SGCG: variants seen among roughly 807,000 people sequenced by gnomAD.
The protein encoded by SGCG is sarcoglycan gamma.
A neutral mutation model predicts 29.3 loss-of-function variants in SGCG; 26 were observed. The observed-to-expected ratio is 0.89, with a 90% CI of 0.65 to 1.23. The LOEUF is 1.23. SGCG is among the 50% of genes most tolerant of loss of function. The pLI is 0.00. For synonymous variants in SGCG, 145 were observed against 129.7 expected (o/e 1.12, Z -0.80); for missense variants, 353 against 356.0 (o/e 0.99, Z 0.07).
rs1325174011 is a variant in SGCG, at chr13:23,324,820, T to G, written c.*279T>G. On this transcript the variant is annotated 3_prime_UTR_variant, in exon 8 of 8. Coordinates refer to ENST00000218867, the MANE Select transcript of SGCG (RefSeq NM_000231.3). The stretch of plus-strand genomic sequence containing the variant: ...GGAACAATTGCGAATTCTCTCTGCC[T>G]CGCCTCCCCCTATCTTGTCCGTGTG... The G allele has an allele frequency of 9.2e-6, 4 of 433,206 alleles. No individual in the cohort carries two copies. The highest frequency in any genetic ancestry group is 6.1e-5 in the African/African-American group (3 of 49,574). 26.8% of individuals were successfully genotyped at this position (433,206 alleles called of 1,614,324 possible). A position where few individuals can be genotyped will look rare whatever the true frequency, so the allele number is the denominator to read the frequency against.
At chr13:23,279,721 C>CCTTCCTTCCTTCCTTCCTTCCTT (rs1881231457) in intron 5 of SGCG, among the ~76,000 whole-genome samples, 4 of 100,478 alleles carry the variant, frequency 4.0e-5, no homozygotes, top group Non-Finnish European at 1.0e-4. Flanking sequence ...CTTCCTTCCT[C>CCTTCCTTCCTTCCTTCCTTCCTT]CCTTCCTTCT....
Position 23,270,946 on chromosome 13 carries a change from G to C in SGCG, c.386-8413G>C, listed in dbSNP as rs570333739. On this transcript the variant is annotated intron_variant, in intron 4 of 7. Coordinates refer to ENST00000218867, the MANE Select transcript of SGCG (RefSeq NM_000231.3). The stretch of plus-strand genomic sequence containing the variant: ...ACTTAAAAGTCCATCCTTAGGCCAG[G>C]TGCAGCGGCTCACACCTGTAATCCC... Among the ~76,000 whole-genome samples the C allele has an allele frequency of 2.6e-5, 4 of 152,218 alleles. No individual in the cohort carries two copies. In the East Asian group the frequency reaches 7.7e-4, roughly 29 times the overall value.
chr13:23,163,121 G>C, the SGCG span, among the ~76,000 whole-genome samples: 4 of 152,274 alleles, frequency 2.6e-5, 1 homozygote, highest in East Asian at 5.8e-4. Context: ...AAAAAAATTG[G>C]TTGTGTGTTG....
intron 3 of SGCG, among the ~76,000 whole-genome samples, chr13:23,243,296 C>T (rs1879578975): frequency 6.6e-6 from 1 of 152,178 alleles, no homozygotes; most frequent in African/African-American, 2.4e-5. Context: ...CCGCCTGCCC[C>T]TCATAATCAC....
chr13:23,166,217 A>T, the SGCG span, among the ~76,000 whole-genome samples: 6 of 151,244 alleles, frequency 4.0e-5, no homozygotes, highest in South Asian at 1.3e-3. Context: ...TTTCTAGTTT[A>T]CCGAGAGTTT....
chr13:23,181,137 G>A (rs975467172), intron 1 of SGCG, 62 bp downstream of exon 1: 4 of 152,078 alleles, frequency 2.6e-5, no homozygotes, highest in Non-Finnish European at 4.4e-5. Context: ...AAAACCAAAC[G>A]CTTAAGAGGT....
chr13:23,251,092 C>G (rs1427004743), intron 4 of SGCG, among the ~76,000 whole-genome samples: 2 of 152,164 alleles, frequency 1.3e-5, no homozygotes, highest in Non-Finnish European at 2.9e-5. Flanking sequence ...CAGTTCCCTC[C>G]CCGTTCTTTC....
chr13:23,314,406 A>ATATATATATATATATATG lies in SGCG; in HGVS notation c.579-6229_579-6228insTATATATATATATATGTA, dbSNP rs1566044512. Among the ~76,000 whole-genome samples, 4 of 141,634 alleles carry ATATATATATATATATATG rather than the reference A, an allele frequency of 2.8e-5. No individual in the cohort carries two copies. The East Asian group carries it at 8.4e-4, about 30-fold the overall frequency. 92.9% of individuals were successfully genotyped at this position (141,634 alleles called of 152,430 possible). A position where few individuals can be genotyped will look rare whatever the true frequency, so the allele number is the denominator to read the frequency against. Reference sequence around the variant, plus strand: ...GTTATATATATATATATATATATATATAATCTTATTCTGTCCCTAATAAGA... The same window carrying ATATATATATATATATATG: ...GTTATATATATATATATATATATATATATATATATATATATATGTAATCTTATTCTGTCCCTAATAAGA... On this transcript the variant is annotated intron_variant, in intron 6 of 7. Coordinates refer to ENST00000218867, the MANE Select transcript of SGCG (RefSeq NM_000231.3).
chr13:23,204,904 C>T (rs1210387531), intron 2 of SGCG, among the ~76,000 whole-genome samples: 1 of 151,842 alleles, frequency 6.6e-6, no homozygotes, highest in Non-Finnish European at 1.5e-5. Context: ...CACTATAGTT[C>T]TAGCCAGTAG....
the SGCG span, among the ~76,000 whole-genome samples, chr13:23,164,237 A>T: frequency 6.6e-6 from 1 of 152,332 alleles, no homozygotes; most frequent in South Asian, 2.1e-4. Context: ...TATGCAATAG[A>T]TTATTCTCCA....
rs1555245959 is a variant in SGCG at position 23,300,832 on chromosome 13, A to AAG, written c.578+5345_578+5346insAG. 7.9e-3 allele frequency among the ~76,000 whole-genome samples: 1,044 copies of AAG among 131,528 alleles called. 8 individuals are homozygous for AAG. Among genetic ancestry groups the AAG allele is most frequent in the Non-Finnish European group, 0.013 (798 of 63,420 alleles). 86.3% of individuals were successfully genotyped at this position (131,528 alleles called of 152,430 possible). On this transcript the variant is annotated intron_variant, in intron 6 of 7. Transcript: ENST00000218867. ...ACTAAAAAAAAAAAAAAAAAAAAAA[A>AAG]GGGCCGGGCGCGGTGGCTCACGCCT...
intron 6 of SGCG, among the ~76,000 whole-genome samples, chr13:23,303,505 G>A (rs767242594): frequency 1.6e-4 from 25 of 152,244 alleles, no homozygotes; most frequent in Non-Finnish European, 2.2e-4. Context: ...TCAGTGCACG[G>A]GAACCTCTGG....
intron 2 of SGCG, among the ~76,000 whole-genome samples, chr13:23,230,392 G>T (rs971538068): frequency 6.6e-6 from 1 of 152,124 alleles, no homozygotes; most frequent in African/African-American, 2.4e-5. Context: ...CCATTTTAAT[G>T]ATATTGATTC....
chr13:23,183,191 G>A (rs188739929), intron 1 of SGCG, among the ~76,000 whole-genome samples: 1 of 152,296 alleles, frequency 6.6e-6, no homozygotes, highest in African/African-American at 2.4e-5. Flanking sequence ...ATTTTAACAA[G>A]TATCAAATTT....
intron 5 of SGCG, among the ~76,000 whole-genome samples, chr13:23,288,096 C>T (rs1381954475): frequency 6.6e-6 from 1 of 152,134 alleles, no homozygotes; most frequent in Non-Finnish European, 1.5e-5. Context: ...ACACAAATTC[C>T]CATTAAAACT....
intron 4 of SGCG, among the ~76,000 whole-genome samples, chr13:23,273,541 G>C (rs549438303): frequency 1.3e-5 from 2 of 152,222 alleles, no homozygotes; most frequent in South Asian, 4.2e-4. Context: ...TCTTGTCACT[G>C]CTTTACATGC....
At chr13:23,306,189 AC>A (rs1187817898) in intron 6 of SGCG, among the ~76,000 whole-genome samples, 1 of 151,798 alleles carries the variant, frequency 6.6e-6, no homozygotes, top group Non-Finnish European at 1.5e-5. Context: ...AGTTTAAGTA[AC>A]CCTGTTACTC....
In SGCG at chr13:23,250,678, C is replaced by T. The variant is rs191040430; in HGVS notation, c.346C>T (p.Arg116Cys). The T allele has an allele frequency of 1.7e-5, 27 of 1,612,942 alleles. No individual in the cohort carries two copies. Among genetic ancestry groups the T allele is most frequent in the Admixed American group, 1.7e-4 (10 of 60,002 alleles). Residue 116 changes from arginine to cysteine, a missense_variant, in exon 4 of 8, where the codon CGC becomes TGC. Arg to Cys is a radical substitution (Grantham distance 180, BLOSUM62 -3). Coordinates refer to ENST00000218867, the MANE Select transcript of SGCG (RefSeq NM_000231.3). ...AACCCAGAATGTGACTGTAAATGCG[C>T]GCAACTCAGAAGGGGAGGTCACAGG... ...QSTQNVTVNARNSEGEVTGRL... is the reference protein window; with the variant it reads ...QSTQNVTVNACNSEGEVTGRL...
intron 1 of SGCG, among the ~76,000 whole-genome samples, chr13:23,192,228 A>G (rs1242258249): frequency 6.6e-6 from 1 of 152,006 alleles, no homozygotes; most frequent in Non-Finnish European, 1.5e-5. Context: ...TGGCATATGC[A>G]TCAATCATAC....
Sources: gnomAD v4.1 joint callset for allele counts (sites outside exome capture counted in the v4.1 genomes callset) on GRCh38, gnomAD v4.1.1 for gene constraint, MANE v1.5 for transcripts, NCBI Gene and HGNC (gene_info 2026-07-23, HGNC 2026-07-21) for gene names.